The following UQCRC2 variants were observed in gnomAD, a reference collection of about 807,000 sequenced individuals.
UQCRC2 encodes ubiquinol-cytochrome c reductase core protein 2, also known as cytochrome b-c1 complex subunit 2, mitochondrial.
A neutral mutation model predicts 55.6 loss-of-function variants in UQCRC2; 49 were observed. That is an observed-to-expected ratio of 0.88 (90% CI 0.70 to 1.12). The LOEUF is 1.12. UQCRC2 is among the 50% of genes most tolerant of loss of function. UQCRC2 has a pLI of 0.00. For synonymous variants in UQCRC2, 193 were observed against 192.0 expected, an observed-to-expected ratio of 1.01 and a Z score of -0.04; for missense variants, 506 against 547.8, an observed-to-expected ratio of 0.92 and a Z score of 0.76.
In UQCRC2 at chr16:21,973,937, T is replaced by G; in HGVS notation, c.1008T>G (p.Phe336Leu). The change falls in exon 11 of 14, where the codon TTT becomes TTG. Residue 336 changes from phenylalanine (F) to leucine (L), a missense_variant. Transcript: ENST00000268379. The part of the protein sequence containing the change: ...FNASYSDSGL[F>L]GIYTISQATA... ...CCAGTTACTCAGATTCTGGACTCTT[T>G]GGGATTTATACTATCTCCCAGGCCA... 6.2e-7 allele frequency: 1 copy of G among 1,612,764 alleles called. No individual in the cohort carries two copies. The highest frequency in any genetic ancestry group is 8.5e-7 in the Non-Finnish European group (1 of 1,179,580).
chr16:21,961,668 A>ATATATATATT (rs1321053912), intron 4 of UQCRC2, among the ~76,000 whole-genome samples: 14 of 116,036 alleles, frequency 1.2e-4, no homozygotes, highest in Admixed American at 3.6e-4. Flanking sequence ...ATATATATAT[A>ATATATATATT]TTTTAGACAG....
chr16:21,974,344 A>C (rs531930543), intron 11 of UQCRC2, among the ~76,000 whole-genome samples: 1 of 152,210 alleles, frequency 6.6e-6, no homozygotes, highest in African/African-American at 2.4e-5. Context: ...ATTGTAGGAA[A>C]AGAAAACTAA....
intron 12 of UQCRC2, among the ~76,000 whole-genome samples, chr16:21,978,130 G>A (rs1424321689): frequency 6.6e-6 from 1 of 152,154 alleles, no homozygotes. Context: ...GTCAAAGTAT[G>A]TTTTCTGCCA....
At chr16:21,953,656 C>T (rs1376678216) in intron 1 of UQCRC2, among the ~76,000 whole-genome samples, 200 bp downstream of exon 1, 1 of 152,032 alleles carries the variant, frequency 6.6e-6, no homozygotes, top group African/African-American at 2.4e-5. Context: ...GACCTAACAC[C>T]GGGAAACCTG....
chr16:21,958,495 A>C, intron 3 of UQCRC2, 40 bp from the exon 4 acceptor site: 1 of 1,593,792 alleles, frequency 6.3e-7, no homozygotes, highest in Non-Finnish European at 8.6e-7. Context: ...CAAACTTGGC[A>C]TTGAAAAGCT....
At chr16:21,965,605 C>G (rs1286106548) in intron 7 of UQCRC2, 100 bp downstream of exon 7, 20 of 1,027,198 alleles carry the variant, frequency 1.9e-5, no homozygotes, top group Non-Finnish European at 2.4e-5. Flanking sequence ...TATCTTCTAA[C>G]TTTAAGAAAT....
rs746331947 is a variant in UQCRC2, at chr16:21,971,574, G to C, written c.720G>C (p.Met240Ile). Reference protein sequence around the residue: ...LKQVAEQFLNMRGGLGLSGAK... With the variant: ...LKQVAEQFLNIRGGLGLSGAK... ...AAGTTGCTGAACAGTTTCTCAACAT[G>C]AGGGGTGGGCTTGGTTTATCTGGTG... Residue 240 changes from methionine (M) to isoleucine (I), a missense_variant, in exon 9 of 14, where the codon ATG becomes ATC. By Grantham distance (10) the Met-to-Ile change is conservative (BLOSUM62 1). Coordinates refer to ENST00000268379, the MANE Select transcript of UQCRC2 (RefSeq NM_003366.4). 1.2e-6 allele frequency: 2 copies of C among 1,614,156 alleles called. No individual in the cohort carries two copies. Among genetic ancestry groups the C allele is most frequent in the Non-Finnish European group, 1.7e-6 (2 of 1,180,008 alleles).
intron 6 of UQCRC2, 26 bp from the exon 7 acceptor site, chr16:21,965,382 T>C: frequency 1.2e-6 from 2 of 1,604,018 alleles, no homozygotes; most frequent in Non-Finnish European, 1.7e-6. Context: ...TGCATTTCCC[T>C]AAATGCTTCT....
chr16:21,972,225 A>C, intron 10 of UQCRC2, 103 bp downstream of exon 10: 1 of 1,408,732 alleles, frequency 7.1e-7, no homozygotes, highest in Non-Finnish European at 9.7e-7. Context: ...AACACACAGA[A>C]AATCTTTGTA....
intron 4 of UQCRC2, among the ~76,000 whole-genome samples, chr16:21,961,626 TTATATA>T (rs67999727): frequency 0.022 from 1,425 of 64,364 alleles, 64 homozygotes; most frequent in East Asian, 0.18. Context: ...AACATAAAAT[TTATATA>T]TATATATATA....
chr16:21,978,372 TA>T (rs1221241267), intron 12 of UQCRC2, among the ~76,000 whole-genome samples: 1 of 152,200 alleles, frequency 6.6e-6, no homozygotes, highest in Non-Finnish European at 1.5e-5. Flanking sequence ...GAGGTTCAAA[TA>T]ACTCGACTGT....
At chr16:21,980,453 TA>T in intron 12 of UQCRC2, 93 bp from the exon 13 acceptor site, 1 of 1,358,332 alleles carries the variant, frequency 7.4e-7, no homozygotes, top group Non-Finnish European at 1.0e-6. Context: ...ATCCATTAAA[TA>T]AAGCTTTGAT....
chr16:21,962,953 G>A (rs986915049), intron 6 of UQCRC2, 68 bp downstream of exon 6: 5 of 1,510,396 alleles, frequency 3.3e-6, no homozygotes, highest in Admixed American at 2.2e-5. Context: ...ATTTATAGAA[G>A]AAAAAAAATT....
Position 21,971,626 on chromosome 16 carries a change from C to G in UQCRC2, c.766+6C>G, listed in dbSNP as rs1180599632. On this transcript the variant is annotated splice_donor_region_variant and intron_variant, in intron 9 of 13. Transcript: ENST00000268379. ...AAAGGCCAACTACCGTGGAGGTAAG[C>G]ATTTCATTCTATTAGGGTTAATTTA... The G allele has an allele frequency of 6.2e-7, 1 of 1,612,926 alleles. No homozygotes were observed. The highest frequency in any genetic ancestry group is 1.3e-5 in the African/African-American group (1 of 74,944).
At chr16:21,975,041 TAC>T (rs1479964682) in intron 11 of UQCRC2, among the ~76,000 whole-genome samples, 2 of 152,216 alleles carry the variant, frequency 1.3e-5, no homozygotes, top group African/African-American at 4.8e-5. Flanking sequence ...AAATTCATAG[TAC>T]AGTCAGTCAG....
At position 21,957,432 on chromosome 16, in the gene UQCRC2, A is replaced by G; in HGVS notation, c.133A>G (p.Asn45Asp). The change falls in exon 3 of 14, where the codon AAT becomes GAT. Residue 45 changes from asparagine (N) to aspartate (D), a missense_variant. Physicochemically the swap from Asn to Asp is conservative, Grantham distance 23. Coordinates refer to ENST00000268379, the MANE Select transcript of UQCRC2 (RefSeq NM_003366.4). The stretch of plus-strand genomic sequence containing the variant: ...TTAAATACAGTTTACCAAGTTACCA[A>G]ATGGCTTGGTGATTGCTTCTTTGGA... ...PQDLEFTKLP[N>D]GLVIASLENY... is the part of the protein sequence containing the mutation. 1 of 1,614,014 alleles carries G rather than the reference A, an allele frequency of 6.2e-7. No homozygotes were observed.
At chr16:21,968,569 T>C in intron 7 of UQCRC2, 59 bp from the exon 8 acceptor site, 1 of 1,472,654 alleles carries the variant, frequency 6.8e-7, no homozygotes. Context: ...ACTTTTATGT[T>C]TTTACAGCTT....
intron 8 of UQCRC2, 126 bp downstream of exon 8, chr16:21,968,811 C>A (rs1898389493): frequency 5.9e-6 from 4 of 675,956 alleles, no homozygotes; most frequent in South Asian, 3.7e-5. Context: ...GTCAGACAGG[C>A]AATATATCAT....
At position 21,972,113 on chromosome 16, in the gene UQCRC2, G is replaced by A; in HGVS notation, c.957G>A (p.Gln319=). The part of the protein sequence containing the change: ...LHQAVAKATQ[Q]PFDVSAFNAS... The stretch of plus-strand genomic sequence containing the variant: ...AGGCTGTTGCCAAGGCAACTCAGCA[G>A]CCATTTGATGTGAGTCTGAACAGTT... Residue 319 remains glutamine, a synonymous_variant, in exon 10 of 14, where the codon CAG becomes CAA. Coordinates refer to ENST00000268379, the MANE Select transcript of UQCRC2 (RefSeq NM_003366.4). The A allele has an allele frequency of 6.2e-7, 1 of 1,613,254 alleles. No individual in the cohort carries two copies. Among genetic ancestry groups the A allele is most frequent in the Non-Finnish European group, 8.5e-7 (1 of 1,179,588 alleles).
Sources: gnomAD v4.1 joint callset for allele counts (sites outside exome capture counted in the v4.1 genomes callset) on GRCh38, gnomAD v4.1.1 for gene constraint, MANE v1.5 for transcripts, NCBI Gene and HGNC (gene_info 2026-07-23, HGNC 2026-07-21) for gene names.